The following FAM76B variants were observed in gnomAD, a reference collection of about 807,000 sequenced individuals.
FAM76B encodes family with sequence similarity 76 member B.
A neutral mutation model predicts 51.8 loss-of-function variants in FAM76B; 16 were observed. That is an observed-to-expected ratio of 0.31 (90% CI 0.21 to 0.47). The LOEUF (loss-of-function observed/expected upper bound fraction) is 0.47. Ranked by LOEUF, FAM76B falls within the 20% of genes least tolerant of loss-of-function variation. The probability of loss-of-function intolerance (pLI) is 1.00; values close to 1 mark genes in which losing one functional copy is unlikely to be tolerated. For synonymous variants in FAM76B, 166 were observed against 129.5 expected (o/e 1.28, Z -1.91); for missense variants, 342 against 392.6 (o/e 0.87, Z 1.09).
At chr11:95,787,550 A>AT (rs1565297517) in intron 3 of FAM76B, 74 bp downstream of exon 3, 13 of 1,465,898 alleles carry the variant, frequency 8.9e-6, no homozygotes, top group South Asian at 6.0e-5. Flanking sequence ...AGCAGTACAT[A>AT]TTTTTTTAAA....
At chr11:95,789,309 G>C in intron 1 of FAM76B, 83 bp downstream of exon 1, 5 of 1,427,204 alleles carry the variant, frequency 3.5e-6, no homozygotes, top group South Asian at 1.2e-5. Context: ...CCGGCGAAGA[G>C]GGGCTGCAGT....
In FAM76B at chr11:95,771,219, C is replaced by CCTG. The variant is rs1859751729; in HGVS notation, c.*339_*341dup. Reference sequence around the variant, plus strand: ...TAAAACAAAAACAAAACAAAAAAACCCTGCTGCTCTGACTTCTGAAACCAT... The same window carrying CCTG: ...TAAAACAAAAACAAAACAAAAAAACCCTGCTGCTGCTCTGACTTCTGAAACCAT... On this transcript the variant is annotated 3_prime_UTR_variant, in exon 10 of 10. Coordinates refer to ENST00000358780, the MANE Select transcript of FAM76B (RefSeq NM_144664.5). 1 of 154,378 alleles carries CCTG rather than the reference C, an allele frequency of 6.5e-6. No individual in the cohort carries two copies. The highest frequency in any genetic ancestry group is 1.4e-5 in the Non-Finnish European group (1 of 69,436). 9.6% of individuals were successfully genotyped at this position (154,378 alleles called of 1,614,324 possible).
Position 95,789,598 on chromosome 11 carries a change from G to A in FAM76B, c.-120C>T, listed in dbSNP as rs1860882872. 1.3e-5 allele frequency: 10 copies of A among 780,108 alleles called. No individual in the cohort carries two copies. The East Asian group carries it at 3.1e-4, about 24-fold the overall frequency. 48.3% of individuals were successfully genotyped at this position (780,108 alleles called of 1,614,324 possible). On this transcript the variant is annotated 5_prime_UTR_variant, in exon 1 of 10. Coordinates refer to ENST00000358780, the MANE Select transcript of FAM76B (RefSeq NM_144664.5). ...CCTCCTCCCCCTCCCCCTGCCTCGCGCCCACCAGGGCCTCGCCGCGAGAGC... is the reference window on the plus strand; with the variant it reads ...CCTCCTCCCCCTCCCCCTGCCTCGCACCCACCAGGGCCTCGCCGCGAGAGC...
rs555972179 is a variant in FAM76B, at chr11:95,770,522, C to G, written c.*1039G>C. On this transcript the variant is annotated 3_prime_UTR_variant, in exon 10 of 10. Transcript: ENST00000358780. ...AAATTTTATAAAATATAAAGCAAAA[C>G]ATGTAACTCACACAATACTAATATG... is the stretch of plus-strand genomic sequence containing the variant. 4.0e-5 allele frequency: 6 copies of G among 151,470 alleles called. No individual in the cohort carries two copies. The South Asian group carries it at 1.3e-3, about 32-fold the overall frequency. 9.4% of individuals were successfully genotyped at this position (151,470 alleles called of 1,614,324 possible).
At chr11:95,781,625 T>G (rs1017427059) in intron 5 of FAM76B, among the ~76,000 whole-genome samples, 1 of 152,026 alleles carries the variant, frequency 6.6e-6, no homozygotes, top group Admixed American at 6.6e-5. Flanking sequence ...ATTTTGGGAG[T>G]CTTAGAAGTA....
chr11:95,774,222 C>A (rs1341766009), intron 9 of FAM76B, among the ~76,000 whole-genome samples: 1 of 151,458 alleles, frequency 6.6e-6, no homozygotes, highest in East Asian at 1.9e-4. Flanking sequence ...TTCTACGTCA[C>A]CGCTTACTGT....
chr11:95,785,630 C>T (rs1324328894), intron 4 of FAM76B, among the ~76,000 whole-genome samples: 1 of 152,176 alleles, frequency 6.6e-6, no homozygotes, highest in African/African-American at 2.4e-5. Flanking sequence ...AACAGGAGGC[C>T]TGTGTGAATG....
rs752596583 is a variant in FAM76B at position 95,788,534 on chromosome 11, T to C, written c.117A>G (p.Lys39=). The C allele has an allele frequency of 1.2e-6, 2 of 1,612,854 alleles. No homozygotes were observed. Among genetic ancestry groups the C allele is most frequent in the South Asian group, 1.1e-5 (1 of 91,062 alleles). The change falls in exon 2 of 10, where the codon AAA becomes AAG. Residue 39 remains lysine, a synonymous_variant. Transcript: ENST00000358780. ...KECRIAHPIV[K]CTYCRSEFQQ... is the part of the protein sequence containing the mutation. ...GAAATTCTGATCTGCAGTAAGTACA[T>C]TTTACAATAGGATGTGCAATCCGAC...
intron 5 of FAM76B, 117 bp downstream of exon 5, chr11:95,782,948 A>T: frequency 7.8e-7 from 1 of 1,289,486 alleles, no homozygotes; most frequent in Non-Finnish European, 1.1e-6. Context: ...CAAGATGCTT[A>T]CTGTGTACAA....
intron 2 of FAM76B, among the ~76,000 whole-genome samples, chr11:95,788,183 T>G (rs1375712303): frequency 6.6e-6 from 1 of 152,244 alleles, no homozygotes; most frequent in Admixed American, 6.5e-5. Flanking sequence ...AGACCTTTCC[T>G]CAGATCCATT....
At chr11:95,787,550 AT>A in intron 3 of FAM76B, 73 bp downstream of exon 3, 1 of 1,465,904 alleles carries the variant, frequency 6.8e-7, no homozygotes, top group South Asian at 1.2e-5. Context: ...AGCAGTACAT[AT>A]TTTTTTAAAA....
intron 4 of FAM76B, 35 bp from the exon 5 acceptor site, chr11:95,783,299 T>C (rs760896473): frequency 3.6e-5 from 57 of 1,591,222 alleles, no homozygotes; most frequent in Non-Finnish European, 4.4e-5. Context: ...AATGTACCCA[T>C]ATAAACTGGC....
intron 4 of FAM76B, 41 bp from the exon 5 acceptor site, chr11:95,783,305 C>T (rs1299181688): frequency 1.3e-6 from 2 of 1,583,834 alleles, no homozygotes; most frequent in East Asian, 2.2e-5. Context: ...CCCATATAAA[C>T]TGGCTGTAAA....
At chr11:95,788,828 G>A in intron 1 of FAM76B, 1 of 1,444,502 alleles carries the variant, frequency 6.9e-7, no homozygotes, top group Non-Finnish European at 9.2e-7. Flanking sequence ...TCAAGGATTG[G>A]TTAAATGTGA....
chr11:95,782,976 C>T, intron 5 of FAM76B, 89 bp downstream of exon 5: 1 of 1,501,616 alleles, frequency 6.7e-7, no homozygotes. Context: ...TAGACTAGCA[C>T]ATAGTCAATA....
In FAM76B at chr11:95,771,436, C is replaced by A. The variant is rs139116319; in HGVS notation, c.*125G>T. ...GCTGTATATCAATTACAAAAGTGAA[C>A]AGGAAACACACCAATTCATTTGGTG... On this transcript the variant is annotated 3_prime_UTR_variant, in exon 10 of 10. Coordinates refer to ENST00000358780, the MANE Select transcript of FAM76B (RefSeq NM_144664.5). 7.2e-4 allele frequency: 436 copies of A among 609,236 alleles called. 4 individuals carry two copies. The African/African-American group carries it at 7.3e-3, about 10-fold the overall frequency. The allele number at this position is 609,236 out of a possible 1,614,324, so 37.7% of individuals were successfully genotyped here.
chr11:95,779,171 G>A, intron 7 of FAM76B: 2 of 1,551,628 alleles, frequency 1.3e-6, no homozygotes, highest in South Asian at 1.1e-5. Context: ...CTTTAAGGGG[G>A]TCAATACTTC....
At chr11:95,786,062 A>C (rs1860563543) in intron 4 of FAM76B, 57 bp downstream of exon 4, 2 of 1,568,750 alleles carry the variant, frequency 1.3e-6, no homozygotes, top group Admixed American at 1.8e-5. Flanking sequence ...ATAATTTCCA[A>C]CTTGTTTGGC....
At chr11:95,786,061 A>T in intron 4 of FAM76B, 58 bp downstream of exon 4, 1 of 1,567,596 alleles carries the variant, frequency 6.4e-7, no homozygotes, top group Non-Finnish European at 8.7e-7. Flanking sequence ...TATAATTTCC[A>T]ACTTGTTTGG....
Sources: gnomAD v4.1 joint callset for allele counts (sites outside exome capture counted in the v4.1 genomes callset) on GRCh38, gnomAD v4.1.1 for gene constraint, MANE v1.5 for transcripts, NCBI Gene and HGNC (gene_info 2026-07-23, HGNC 2026-07-21) for gene names.